USP40: variants seen among roughly 807,000 people sequenced by gnomAD.
USP40 encodes ubiquitin carboxyl-terminal hydrolase 40.
Under a neutral mutation model 166.2 loss-of-function variants are expected in USP40, and 143 were observed. That is an observed-to-expected ratio of 0.86 (90% CI 0.75 to 0.99). USP40 has a LOEUF of 0.99. Among genes scored for constraint, USP40 ranks in the 50% least tolerant of loss-of-function variants. USP40 has a pLI of 0.00. For missense variants in USP40, 1,444 were observed against 1,479.7 expected (o/e 0.98, Z 0.40); for synonymous variants, 498 against 524.0 (o/e 0.95, Z 0.68).
intron 10 of USP40, among the ~76,000 whole-genome samples, chr2:233,537,980 T>A (rs2069059053): frequency 1.3e-5 from 2 of 152,126 alleles, no homozygotes; most frequent in South Asian, 4.1e-4. Flanking sequence ...TTACATTACA[T>A]GTAATGGTAA....
intron 2 of USP40, 83 bp from the exon 3 acceptor site, chr2:233,562,886 A>AT: frequency 4.2e-6 from 4 of 950,748 alleles, no homozygotes; most frequent in Non-Finnish European, 6.1e-6. Context: ...ACCACCTTTA[A>AT]GTAAAATCAA....
intron 28 of USP40, chr2:233,487,957 G>A (rs994368767): frequency 2.3e-5 from 14 of 621,938 alleles, no homozygotes; most frequent in African/African-American, 9.1e-5. Context: ...CAACAGCTGC[G>A]GGTGGGCCTC....
At chr2:233,558,820 A>G (rs1209093007) in intron 4 of USP40, among the ~76,000 whole-genome samples, 1 of 152,090 alleles carries the variant, frequency 6.6e-6, no homozygotes, top group East Asian at 1.9e-4. Context: ...TGTTAATCGG[A>G]TTAACGCCAA....
chr2:233,533,750 T>C lies in USP40; in HGVS notation c.1200A>G (p.Leu400=). Residue 400 remains leucine, a synonymous_variant, in exon 11 of 32, where the codon CTA becomes CTG. Coordinates refer to ENST00000678225, the MANE Select transcript of USP40 (RefSeq NM_001365479.2). ...KFLQLHSQIF[L]LSSDESTVRL... is the part of the protein sequence containing the mutation. Reference sequence around the variant, plus strand: ...GAACTGTACTTTCATCTGAACTGAGTAGAAATATCTGAGAATGGAGCTGTA... The same window carrying C: ...GAACTGTACTTTCATCTGAACTGAGCAGAAATATCTGAGAATGGAGCTGTA... 2 of 1,608,050 alleles carry C rather than the reference T, an allele frequency of 1.2e-6. No individual in the cohort carries two copies. The highest frequency in any genetic ancestry group is 1.7e-6 in the Non-Finnish European group (2 of 1,176,898).
chr2:233,556,758 A>G lies in USP40; in HGVS notation c.546+97T>C, dbSNP rs77689336. ...AACTCAATAAATTACTTTTAGTAAT[A>G]AACACTTTAATCCTTGTGTGGTATA... On this transcript the variant is annotated intron_variant, in intron 5 of 31. Transcript: ENST00000678225. 2,238 of 1,168,764 alleles carry G rather than the reference A, an allele frequency of 1.9e-3. 34 individuals carry two copies. The African/African-American group carries it at 0.03, about 16-fold the overall frequency. 72.4% of individuals were successfully genotyped at this position (1,168,764 alleles called of 1,614,324 possible). A position where few individuals can be genotyped will look rare whatever the true frequency, so the allele number is the denominator to read the frequency against.
Position 233,523,391 on chromosome 2 carries a change from C to G in USP40, c.1980G>C (p.Gln660His). 1 of 1,614,002 alleles carries G rather than the reference C, an allele frequency of 6.2e-7. No homozygotes were observed. Among genetic ancestry groups the G allele is most frequent in the Non-Finnish European group, 8.5e-7 (1 of 1,179,892 alleles). Reference sequence around the variant, plus strand: ...GAAAGACATGTGGAGATTCTATCACCTGACAACACTTTTCTCCATCACTGC... The same window carrying G: ...GAAAGACATGTGGAGATTCTATCACGTGACAACACTTTTCTCCATCACTGC... The part of the protein sequence containing the change: ...DTSSDGEKCC[Q>H]VIESPHVFPA... The change falls in exon 16 of 32, where the codon CAG becomes CAC. Residue 660 changes from glutamine (Q) to histidine (H), a missense_variant. Physicochemically the swap from Gln to His is conservative, Grantham distance 24. Transcript: ENST00000678225.
Position 233,554,505 on chromosome 2 carries a change from C to T in USP40, c.568G>A (p.Val190Ile), listed in dbSNP as rs1412788629. The change falls in exon 6 of 32, where the codon GTA becomes ATA. Residue 190 changes from valine (V) to isoleucine (I), a missense_variant. Coordinates refer to ENST00000678225, the MANE Select transcript of USP40 (RefSeq NM_001365479.2). Reference sequence around the variant, plus strand: ...AAACCGGATACATTTTTGACTGCTACTGTTAGATCTAAGAAGTCTTCCTGA... The same window carrying T: ...AAACCGGATACATTTTTGACTGCTATTGTTAGATCTAAGAAGTCTTCCTGA... ...ERQEDFLDLTVAVKNVSGLED... is the reference protein window; with the variant it reads ...ERQEDFLDLTIAVKNVSGLED... The T allele has an allele frequency of 1.9e-6, 3 of 1,609,478 alleles. No individual in the cohort carries two copies. Among genetic ancestry groups the T allele is most frequent in the Admixed American group, 1.7e-5 (1 of 58,944 alleles).
chr2:233,551,253 CT>C (rs1360842796), intron 7 of USP40, 122 bp downstream of exon 7: 10 of 1,101,262 alleles, frequency 9.1e-6, no homozygotes, highest in Non-Finnish European at 1.3e-5. Context: ...AATAGTTTAA[CT>C]GAAAATGTCA....
chr2:233,477,391 G>A lies in USP40; in HGVS notation c.*1C>T. 4 of 1,613,290 alleles carry A rather than the reference G, an allele frequency of 2.5e-6. No homozygotes were observed. The highest frequency in any genetic ancestry group is 3.4e-6 in the Non-Finnish European group (4 of 1,179,620). ...GGGAGTAGAGCCGTGCAGCGGCGCGGTTATCTGAAGCTCCCCACGTGGATG... is the reference window on the plus strand; with the variant it reads ...GGGAGTAGAGCCGTGCAGCGGCGCGATTATCTGAAGCTCCCCACGTGGATG... On this transcript the variant is annotated 3_prime_UTR_variant, in exon 32 of 32. Coordinates refer to ENST00000678225, the MANE Select transcript of USP40 (RefSeq NM_001365479.2).
chr2:233,539,488 A>G (rs2069198147), intron 10 of USP40, among the ~76,000 whole-genome samples: 1 of 152,172 alleles, frequency 6.6e-6, no homozygotes, highest in Admixed American at 6.5e-5. Context: ...CCCCCTAAAT[A>G]TTTGGAAATT....
intron 12 of USP40, among the ~76,000 whole-genome samples, chr2:233,528,330 A>G (rs2068217862): frequency 6.6e-6 from 1 of 152,124 alleles, no homozygotes; most frequent in Non-Finnish European, 1.5e-5. Context: ...CACATTATCC[A>G]GGCTAAAAGT....
At chr2:233,549,068 C>T in intron 8 of USP40, 33 bp downstream of exon 8, 1 of 1,564,616 alleles carries the variant, frequency 6.4e-7, no homozygotes, top group Non-Finnish European at 8.6e-7. Flanking sequence ...AAAGAAATTG[C>T]AAAGATATTT....
In USP40 at chr2:233,554,426, T is replaced by G. The variant is rs767053699; in HGVS notation, c.647A>C (p.Asn216Thr). 3 of 1,613,212 alleles carry G rather than the reference T, an allele frequency of 1.9e-6. No homozygotes were observed. The highest frequency in any genetic ancestry group is 1.3e-5 in the African/African-American group (1 of 74,868). ...YVEEEVFDCD[N>T]LYHCGTCDRL... ...GTCACAAGTTCCACAGTGGTACAAGTTGTCACAATCAAAAACTTCCTCTTC... is the reference window on the plus strand; with the variant it reads ...GTCACAAGTTCCACAGTGGTACAAGGTGTCACAATCAAAAACTTCCTCTTC... The change falls in exon 6 of 32, where the codon AAC becomes ACC. Residue 216 changes from asparagine to threonine, a missense_variant. Asn to Thr is a moderately conservative substitution (Grantham distance 65). Transcript: ENST00000678225.
chr2:233,480,384 C>T lies in USP40; in HGVS notation c.3599+819G>A, dbSNP rs148571324. 6.1e-3 allele frequency among the ~76,000 whole-genome samples: 931 copies of T among 152,286 alleles called. 3 individuals carry two copies. The highest frequency in any genetic ancestry group is 0.021 in the African/African-American group (878 of 41,550). ...GTCGGGGAGTGGGGGAGGATGAGGA[C>T]GCCTGGGGGCCTCTGGTGAGGCCTG... On this transcript the variant is annotated intron_variant, in intron 31 of 31. Coordinates refer to ENST00000678225, the MANE Select transcript of USP40 (RefSeq NM_001365479.2). This position sits in a 1 kb window ranked among gnomAD's most constrained non-coding sequence, Gnocchi z 4.5.
At chr2:233,547,674 A>T (rs1216437603) in intron 8 of USP40, among the ~76,000 whole-genome samples, 1 of 152,234 alleles carries the variant, frequency 6.6e-6, no homozygotes, top group Non-Finnish European at 1.5e-5. Context: ...GACACCGGTT[A>T]GCACTTTCCC....
At chr2:233,548,983 C>T in intron 8 of USP40, 118 bp downstream of exon 8, 1 of 912,542 alleles carries the variant, frequency 1.1e-6, no homozygotes, top group Non-Finnish European at 1.6e-6. Context: ...CTTTCAGTGC[C>T]TATCAAAGTT....
intron 12 of USP40, among the ~76,000 whole-genome samples, chr2:233,528,794 A>G (rs1292044399): frequency 6.6e-6 from 1 of 152,096 alleles, no homozygotes; most frequent in Non-Finnish European, 1.5e-5. Flanking sequence ...CCACAAGGAG[A>G]TCACGGTAAC....
chr2:233,504,422 A>G (rs917719285), intron 21 of USP40, among the ~76,000 whole-genome samples: 7 of 152,094 alleles, frequency 4.6e-5, no homozygotes, highest in Admixed American at 6.5e-5. Context: ...AGACAAACAT[A>G]GACTGAAAGT....
intron 18 of USP40, 33 bp from the exon 19 acceptor site, chr2:233,512,655 G>C (rs755618265): frequency 4.4e-5 from 38 of 860,804 alleles, no homozygotes; most frequent in Admixed American, 2.1e-4. Context: ...TTTTCTTAGA[G>C]AGCTAGGAAT....
Sources: gnomAD v4.1 joint callset for allele counts (sites outside exome capture counted in the v4.1 genomes callset) on GRCh38, gnomAD v4.1.1 for gene constraint, Gnocchi (gnomAD v3.1) non-coding constraint, MANE v1.5 for transcripts, NCBI Gene and HGNC (gene_info 2026-07-23, HGNC 2026-07-21) for gene names.